The following FTCDNL1 variants were observed in gnomAD, a reference collection of about 807,000 sequenced individuals.
The protein encoded by FTCDNL1 is formiminotransferase N-terminal subdomain-containing protein.
In FTCDNL1, 11 loss-of-function variants were observed where a neutral mutation model predicts 5.9. The observed-to-expected ratio is 1.87, with a 90% confidence interval of 1.18 to 3.10. The LOEUF (loss-of-function observed/expected upper bound fraction) is 3.10, where lower values mean the gene tolerates loss of function less well. Ranked by LOEUF, FTCDNL1 falls within the 30% of genes most tolerant of loss-of-function variation. The pLI is 0.00. For missense variants in FTCDNL1, 115 were observed against 65.5 expected, an observed-to-expected ratio of 1.76 and a Z score of -2.61; for synonymous variants, 58 against 24.8, an observed-to-expected ratio of 2.34 and a Z score of -3.99.
At chr2:199,679,363 T>G in the FTCDNL1 span, among the ~76,000 whole-genome samples, 1 of 152,132 alleles carries the variant, frequency 6.6e-6, no homozygotes, top group African/African-American at 2.4e-5. Context: ...AATTAAACTT[T>G]TGTTATTTTG....
At chr2:199,801,375 A>G (rs1700439477) in intron 3 of FTCDNL1, among the ~76,000 whole-genome samples, 1 of 152,262 alleles carries the variant, frequency 6.6e-6, no homozygotes, top group Non-Finnish European at 1.5e-5. Context: ...TGCTGGGGGT[A>G]GTGGCTCACG....
At chr2:199,670,501 G>C in the FTCDNL1 span, among the ~76,000 whole-genome samples, 16 of 152,138 alleles carry the variant, frequency 1.1e-4, no homozygotes, top group African/African-American at 3.6e-4. Flanking sequence ...CAAGGAAGTT[G>C]CAGAAAACAC....
chr2:199,790,633 A>G (rs1699877158), intron 3 of FTCDNL1, among the ~76,000 whole-genome samples: 1 of 152,178 alleles, frequency 6.6e-6, no homozygotes. Context: ...ATATATGAAT[A>G]GGCAATTCTT....
the FTCDNL1 span, among the ~76,000 whole-genome samples, chr2:199,743,928 A>G: frequency 6.6e-6 from 1 of 152,140 alleles, no homozygotes; most frequent in Non-Finnish European, 1.5e-5. Context: ...AAATAAATGA[A>G]TAAGGAAATA....
At chr2:199,766,535 A>G (rs1490178704) in intron 3 of FTCDNL1, among the ~76,000 whole-genome samples, 1 of 152,254 alleles carries the variant, frequency 6.6e-6, no homozygotes, top group Non-Finnish European at 1.5e-5. Flanking sequence ...TTTCTGCCAT[A>G]TAATTTAGGA....
At chr2:199,705,553 T>C in the FTCDNL1 span, among the ~76,000 whole-genome samples, 8 of 152,234 alleles carry the variant, frequency 5.3e-5, no homozygotes, top group African/African-American at 1.9e-4. Context: ...AAATAAATTA[T>C]ATTTTGTCCT....
chr2:199,823,153 T>C (rs1701801286), intron 3 of FTCDNL1, among the ~76,000 whole-genome samples: 1 of 152,168 alleles, frequency 6.6e-6, no homozygotes, highest in South Asian at 2.1e-4. Context: ...CTGGGCTCCA[T>C]TCAAGTTTTA....
chr2:199,831,349 T>G (rs781090966), intron 3 of FTCDNL1, among the ~76,000 whole-genome samples: 3 of 152,208 alleles, frequency 2.0e-5, no homozygotes. Context: ...AGCCTTGCAT[T>G]TGTGCACAAG....
the FTCDNL1 span, among the ~76,000 whole-genome samples, chr2:199,748,884 G>A: frequency 6.6e-6 from 1 of 152,120 alleles, no homozygotes; most frequent in Non-Finnish European, 1.5e-5. Context: ...ATTCTGAGGA[G>A]TTCCTCTGCC....
At chr2:199,695,593 A>G in the FTCDNL1 span, among the ~76,000 whole-genome samples, 37 of 152,342 alleles carry the variant, frequency 2.4e-4, no homozygotes, top group African/African-American at 8.4e-4. Context: ...GCCGAGCACC[A>G]GGACTCATTC....
the FTCDNL1 span, among the ~76,000 whole-genome samples, chr2:199,709,758 T>C: frequency 6.6e-6 from 1 of 152,072 alleles, no homozygotes; most frequent in Non-Finnish European, 1.5e-5. Flanking sequence ...CAAGTTTTGC[T>C]GACGAGGGAG....
At chr2:199,839,133 G>C (rs534031784) in intron 3 of FTCDNL1, among the ~76,000 whole-genome samples, 1 of 152,038 alleles carries the variant, frequency 6.6e-6, no homozygotes, top group East Asian at 1.9e-4. Context: ...AGCCAACACG[G>C]CATTATCAAA....
chr2:199,846,850 T>C (rs1488338866), intron 2 of FTCDNL1, among the ~76,000 whole-genome samples: 1 of 152,180 alleles, frequency 6.6e-6, no homozygotes, highest in African/African-American at 2.4e-5. Flanking sequence ...ACAAGCATGG[T>C]CCAGGCTTCT....
In FTCDNL1 at chr2:199,850,871, G is replaced by C. The variant is rs2076859783; in HGVS notation, c.-139C>G. ...GCGGTGCCGACTAGGTTCCTGGGTG[G>C]AGTGTCCCAGGACCACGTGGGCTGA... is the stretch of plus-strand genomic sequence containing the variant. On this transcript the variant is annotated 5_prime_UTR_variant, in exon 1 of 5. Coordinates refer to ENST00000420128, the MANE Select transcript of FTCDNL1 (RefSeq NM_001363886.2). 1 of 152,224 alleles carries C rather than the reference G, an allele frequency of 6.6e-6. No homozygotes were observed. The highest frequency in any genetic ancestry group is 2.1e-4 in the South Asian group (1 of 4,828). 9.4% of individuals were successfully genotyped at this position (152,224 alleles called of 1,614,324 possible). A position where few individuals can be genotyped will look rare whatever the true frequency, so the allele number is the denominator to read the frequency against.
At chr2:199,780,165 C>G (rs931320223) in intron 3 of FTCDNL1, among the ~76,000 whole-genome samples, 2 of 152,196 alleles carry the variant, frequency 1.3e-5, no homozygotes, top group Non-Finnish European at 2.9e-5. Flanking sequence ...GCAGCCACAG[C>G]AAAGACCTTA....
chr2:199,780,217 C>T (rs1474657407), intron 3 of FTCDNL1, among the ~76,000 whole-genome samples: 8 of 152,144 alleles, frequency 5.3e-5, no homozygotes, highest in Admixed American at 1.3e-4. Flanking sequence ...TGGCCCACCT[C>T]GCTAGGATAG....
At chr2:199,721,593 T>C in the FTCDNL1 span, among the ~76,000 whole-genome samples, 1 of 152,180 alleles carries the variant, frequency 6.6e-6, no homozygotes, top group African/African-American at 2.4e-5. Context: ...TATACCCATG[T>C]ATGTATCTTT....
chr2:199,720,336 G>C, the FTCDNL1 span, among the ~76,000 whole-genome samples: 2 of 152,228 alleles, frequency 1.3e-5, no homozygotes, highest in Non-Finnish European at 2.9e-5. Context: ...GATTGATAAA[G>C]AGAGAGCACC....
chr2:199,759,933 C>G (rs182419029), downstream of FTCDNL1, among the ~76,000 whole-genome samples: 2 of 152,134 alleles, frequency 1.3e-5, no homozygotes, highest in African/African-American at 4.8e-5. Context: ...GTGGACAGCT[C>G]GTAATTGTAT....
Sources: allele counts gnomAD v4.1 joint callset (sites outside exome capture counted in the v4.1 genomes callset), GRCh38; gene constraint gnomAD v4.1.1; transcripts MANE v1.5; gene names NCBI Gene and HGNC (gene_info 2026-07-23, HGNC 2026-07-21).